Variants in ZNF730 observed in about 807,000 individuals in gnomAD.
The protein encoded by ZNF730 is putative zinc finger protein 730.
A neutral mutation model predicts 12.6 loss-of-function variants in ZNF730; 12 were observed. The observed-to-expected ratio is 0.95, with a 90% CI of 0.61 to 1.54. The LOEUF (loss-of-function observed/expected upper bound fraction) is 1.54, where lower values mean the gene tolerates loss of function less well. Ranked by LOEUF, ZNF730 falls within the 40% of genes most tolerant of loss-of-function variation. The probability of loss-of-function intolerance (pLI) is 0.00; values close to 1 mark genes in which losing one functional copy is unlikely to be tolerated. For synonymous variants in ZNF730, 194 were observed against 195.8 expected (o/e 0.99, Z 0.08); for missense variants, 643 against 583.5 (o/e 1.10, Z -1.05).
Position 23,128,613 on chromosome 19 carries a change from AATT to A in ZNF730, c.4-5465_4-5463del, listed in dbSNP as rs1970701395. 6.3e-5 allele frequency: 11 copies of A among 173,466 alleles called. No individual in the cohort carries two copies. In the South Asian group the frequency reaches 1.7e-3, roughly 27 times the overall value. The allele number at this position is 173,466 out of a possible 1,614,324, so 10.7% of individuals were successfully genotyped here. On this transcript the variant is annotated intron_variant, in intron 1 of 3. Coordinates refer to ENST00000597761, the MANE Select transcript of ZNF730 (RefSeq NM_001277403.2). ...CTTATTGACAGCAAAATTTTAAAAA[AATT>A]AAATTTATAAGCAGCAAAGCATTCA... is the stretch of plus-strand genomic sequence containing the variant.
At chr19:23,110,541 A>G (rs1170432163) in intron 1 of ZNF730, among the ~76,000 whole-genome samples, 1 of 151,202 alleles carries the variant, frequency 6.6e-6, no homozygotes, top group East Asian at 1.9e-4. Flanking sequence ...TTGGCCTCCC[A>G]AAGTGCTGGG....
intron 1 of ZNF730, among the ~76,000 whole-genome samples, chr19:23,133,385 A>G (rs1970771487): frequency 6.6e-6 from 1 of 152,010 alleles, no homozygotes; most frequent in Admixed American, 6.5e-5. Context: ...CTTATTGCCC[A>G]GGCTGGATTA....
chr19:23,145,812 C>G lies in ZNF730; in HGVS notation c.768C>G (p.Tyr256Ter). Residue 256 changes from tyrosine to a stop codon, truncating the protein, a stop_gained, in exon 4 of 4, where the codon TAC becomes TAG. Transcript: ENST00000597761. LOFTEE classifies it low-confidence loss of function (END_TRUNC). ...GAATTCATACTGGAGAAAAACCCTA[C>G]CAATGTGAGAAATGTGGCAAATTTT... ...HKRIHTGEKP[Y>*]QCEKCGKFFN... 1 of 1,594,910 alleles carries G rather than the reference C, an allele frequency of 6.3e-7. No homozygotes were observed. Among genetic ancestry groups the G allele is most frequent in the Non-Finnish European group, 8.5e-7 (1 of 1,171,974 alleles).
In ZNF730 at chr19:23,106,760, A is replaced by G. The variant is rs1303307817; in HGVS notation, c.-93-27320A>G. ...AGCCAAGATCGTGCCATTGCACTCC[A>G]GCCTGGGCCACGAGAGCGAGAACTG... On this transcript the variant is annotated intron_variant, in intron 1 of 2. Transcript: ENST00000593635. 2.6e-5 allele frequency among the ~76,000 whole-genome samples: 4 copies of G among 150,996 alleles called. No homozygotes were observed. The East Asian group carries it at 7.9e-4, about 30-fold the overall frequency.
At chr19:23,098,498 G>A (rs867333351) in intron 1 of ZNF730, 5 of 152,124 alleles carry the variant, frequency 3.3e-5, no homozygotes, top group African/African-American at 1.2e-4. Context: ...ACGATGGGAG[G>A]CCCTGCCTCA....
chr19:23,134,599 G>T (rs1294452327), intron 2 of ZNF730, among the ~76,000 whole-genome samples: 1 of 136,560 alleles, frequency 7.3e-6, no homozygotes, highest in Admixed American at 7.1e-5. Flanking sequence ...TGGAGGGTGG[G>T]GGGGGGGGTC....
intron 1 of ZNF730, among the ~76,000 whole-genome samples, chr19:23,088,145 G>A (rs985486231): frequency 3.3e-5 from 5 of 151,448 alleles, no homozygotes; most frequent in East Asian, 2.0e-4. Context: ...TCAGCCTCCC[G>A]AGCAGCTGGG....
In ZNF730 at chr19:23,134,041, G is replaced by A. The variant is rs781344808; in HGVS notation, c.4-39G>A. Reference sequence around the variant, plus strand: ...AGTGAAACTTAAAATTCTGCCCAGGGGCACTTGGTAAATATGTGTGTTTGT... The same window carrying A: ...AGTGAAACTTAAAATTCTGCCCAGGAGCACTTGGTAAATATGTGTGTTTGT... On this transcript the variant is annotated intron_variant, in intron 1 of 3. Transcript: ENST00000597761. The A allele has an allele frequency of 3.1e-6, 5 of 1,609,366 alleles. No homozygotes were observed. The Admixed American group carries it at 8.4e-5, about 27-fold the overall frequency.
intron 1 of ZNF730, among the ~76,000 whole-genome samples, chr19:23,084,245 T>C (rs965143761): frequency 6.6e-6 from 1 of 152,228 alleles, no homozygotes; most frequent in Non-Finnish European, 1.5e-5. Flanking sequence ...TAGATTTGTT[T>C]CTGAGCTTAT....
chr19:23,080,847 CTTTT>C (rs552923947), intron 1 of ZNF730, among the ~76,000 whole-genome samples: 1 of 125,068 alleles, frequency 8.0e-6, no homozygotes, highest in Non-Finnish European at 1.6e-5. Flanking sequence ...TTTTTCTTTT[CTTTT>C]TTTTTTTTTT....
intron 1 of ZNF730, among the ~76,000 whole-genome samples, chr19:23,086,247 A>G (rs1293296403): frequency 3.9e-5 from 6 of 152,136 alleles, no homozygotes; most frequent in Non-Finnish European, 8.8e-5. Context: ...ATTTTCTCCC[A>G]TACCGTAGGT....
upstream of ZNF730, among the ~76,000 whole-genome samples, chr19:23,114,483 TTTTA>T (rs1568309616): frequency 7.5e-6 from 1 of 133,280 alleles, no homozygotes; most frequent in African/African-American, 2.5e-5. Flanking sequence ...ATTTTTTTAT[TTTTA>T]TTTATTTTTA....
At chr19:23,109,651 C>A (rs2145569084) in intron 1 of ZNF730, among the ~76,000 whole-genome samples, 1 of 152,170 alleles carries the variant, frequency 6.6e-6, no homozygotes, top group East Asian at 1.9e-4. Context: ...GTTTTGAATT[C>A]CTGAGCCCGC....
At chr19:23,088,450 T>G (rs1970103208) in intron 1 of ZNF730, among the ~76,000 whole-genome samples, 1 of 152,024 alleles carries the variant, frequency 6.6e-6, no homozygotes, top group Non-Finnish European at 1.5e-5. Context: ...GAGAGGGGTT[T>G]TTTTGTTTGT....
intron 3 of ZNF730, among the ~76,000 whole-genome samples, chr19:23,141,694 T>C (rs781271377): frequency 3.3e-5 from 5 of 152,214 alleles, no homozygotes; most frequent in Non-Finnish European, 7.3e-5. Flanking sequence ...CATTCCATTT[T>C]GGTCATATAA....
At chr19:23,091,200 G>T (rs1970154637) in intron 1 of ZNF730, among the ~76,000 whole-genome samples, 1 of 152,164 alleles carries the variant, frequency 6.6e-6, no homozygotes, top group South Asian at 2.1e-4. Context: ...TGTTGAGGCT[G>T]TGGGTGCACA....
chr19:23,111,549 C>G (rs901901656), intron 1 of ZNF730, among the ~76,000 whole-genome samples: 2 of 152,008 alleles, frequency 1.3e-5, no homozygotes, highest in Non-Finnish European at 2.9e-5. Flanking sequence ...GAGTTCAAGA[C>G]CAGCCTGATC....
intron 1 of ZNF730, among the ~76,000 whole-genome samples, chr19:23,108,273 C>T (rs62122970): frequency 0.044 from 6,694 of 152,084 alleles, 174 homozygotes; most frequent in East Asian, 0.11. Context: ...TCAAGCAATT[C>T]TGATTTAATT....
chr19:23,129,571 A>ATC (rs1555715529), intron 1 of ZNF730, among the ~76,000 whole-genome samples: 1 of 111,552 alleles, frequency 9.0e-6, no homozygotes, highest in African/African-American at 4.2e-5. Flanking sequence ...CAATGCTTGT[A>ATC]TCCCCCCCCC....
Sources: gnomAD v4.1 joint callset for allele counts (sites outside exome capture counted in the v4.1 genomes callset) on GRCh38, gnomAD v4.1.1 for gene constraint, MANE v1.5 for transcripts, NCBI Gene and HGNC (gene_info 2026-07-23, HGNC 2026-07-21) for gene names.